The following CAMK1D variants were observed in gnomAD, a reference collection of about 807,000 sequenced individuals.
The protein encoded by CAMK1D is calcium/calmodulin dependent protein kinase ID.
A neutral mutation model predicts 47.7 loss-of-function variants in CAMK1D; 9 were observed. The ratio of observed to expected loss-of-function variants is 0.19; its 90% confidence interval spans 0.11 to 0.33. CAMK1D has a LOEUF of 0.33. CAMK1D is among the 10% of genes least tolerant of loss of function. CAMK1D has a pLI of 1.00. For missense variants in CAMK1D, 291 were observed against 488.7 expected (o/e 0.60, Z 3.81); for synonymous variants, 184 against 184.9 (o/e 0.99, Z 0.04).
intron 3 of CAMK1D, among the ~76,000 whole-genome samples, chr10:12,754,408 A>G (rs4345869): frequency 0.7 from 106,728 of 152,074 alleles, 37,873 homozygotes; most frequent in African/African-American, 0.8. Context: ...GTCTGGCTCC[A>G]TACAGGATCA....
chr10:12,401,606 A>T (rs1839226748), intron 1 of CAMK1D, among the ~76,000 whole-genome samples: 2 of 151,408 alleles, frequency 1.3e-5, no homozygotes, highest in South Asian at 4.2e-4. Context: ...AGGCTCCCAC[A>T]AGGAGCCTCA....
intron 2 of CAMK1D, among the ~76,000 whole-genome samples, chr10:12,589,212 C>T (rs1439550103): frequency 6.6e-6 from 1 of 152,146 alleles, no homozygotes; most frequent in Admixed American, 6.5e-5. Context: ...TGGGGTTTCA[C>T]CATGTTGCCC....
intron 3 of CAMK1D, among the ~76,000 whole-genome samples, chr10:12,717,909 A>G (rs894751892): frequency 2.3e-4 from 34 of 147,910 alleles, no homozygotes; most frequent in South Asian, 4.3e-4. Flanking sequence ...AAAAAAAAAG[A>G]AAAAAAAAAG....
intron 1 of CAMK1D, among the ~76,000 whole-genome samples, chr10:12,379,076 T>C (rs1838270356): frequency 6.6e-6 from 1 of 152,102 alleles, no homozygotes; most frequent in Non-Finnish European, 1.5e-5. Context: ...TCCCAAAGTG[T>C]TGGGATTACA....
At chr10:12,776,848 G>T (rs941497782) in intron 5 of CAMK1D, among the ~76,000 whole-genome samples, 1 of 152,034 alleles carries the variant, frequency 6.6e-6, no homozygotes, top group East Asian at 1.9e-4. Context: ...CCAAATAGAG[G>T]GTGAGAAAAG....
At chr10:12,651,383 T>G (rs2132511213) in intron 2 of CAMK1D, among the ~76,000 whole-genome samples, 1 of 152,212 alleles carries the variant, frequency 6.6e-6, no homozygotes, top group South Asian at 2.1e-4. Context: ...TTAACACAAC[T>G]TTTAATTTTA....
intron 2 of CAMK1D, among the ~76,000 whole-genome samples, chr10:12,553,647 G>T (rs1419775514): frequency 6.6e-6 from 1 of 152,148 alleles, no homozygotes; most frequent in African/African-American, 2.4e-5. Flanking sequence ...ACCGTGGGCC[G>T]GCTACAGAGC....
At chr10:12,462,468 AT>A (rs11343025) in intron 1 of CAMK1D, among the ~76,000 whole-genome samples, 71,256 of 146,956 alleles carry the variant, frequency 0.48, 17,192 homozygotes, top group Non-Finnish European at 0.54. Flanking sequence ...CTGGCCAAGA[AT>A]TTTTTTTTTT....
chr10:12,452,944 A>G (rs1020590214), intron 1 of CAMK1D, among the ~76,000 whole-genome samples: 1 of 152,038 alleles, frequency 6.6e-6, no homozygotes, highest in Non-Finnish European at 1.5e-5. Flanking sequence ...GCCACCATCC[A>G]TCTCCAGAAC....
intron 2 of CAMK1D, among the ~76,000 whole-genome samples, chr10:12,636,915 G>A (rs1389497648): frequency 6.6e-6 from 1 of 152,106 alleles, no homozygotes; most frequent in Non-Finnish European, 1.5e-5. Flanking sequence ...AATCTGAGGA[G>A]CCACCGAGCA....
At chr10:12,550,531 G>A (rs1023292727) in intron 1 of CAMK1D, among the ~76,000 whole-genome samples, 1 of 152,194 alleles carries the variant, frequency 6.6e-6, no homozygotes, top group Non-Finnish European at 1.5e-5. Context: ...TTATGATTTG[G>A]GTTTCCTGGA....
intron 2 of CAMK1D, among the ~76,000 whole-genome samples, chr10:12,633,690 G>A (rs1839440544): frequency 6.6e-6 from 1 of 152,036 alleles, no homozygotes; most frequent in African/African-American, 2.4e-5. Context: ...CCCAGTAGCT[G>A]GGACCACAGG....
chr10:12,736,830 A>T (rs1030060137), intron 3 of CAMK1D, among the ~76,000 whole-genome samples: 8 of 152,118 alleles, frequency 5.3e-5, no homozygotes, highest in Admixed American at 5.2e-4. Context: ...AACTGGCAGA[A>T]CTCAGCATCT....
intron 2 of CAMK1D, among the ~76,000 whole-genome samples, chr10:12,647,590 C>T (rs1323356508): frequency 6.6e-6 from 1 of 152,116 alleles, no homozygotes; most frequent in African/African-American, 2.4e-5. Context: ...GGGAGAGAGG[C>T]TGACTTTCAG....
At chr10:12,599,465 A>G (rs1838239641) in intron 2 of CAMK1D, among the ~76,000 whole-genome samples, 1 of 152,208 alleles carries the variant, frequency 6.6e-6, no homozygotes, top group Non-Finnish European at 1.5e-5. Flanking sequence ...ATCAGAGAGT[A>G]GGCAGTGCAC....
At chr10:12,469,483 C>T (rs957625039) in intron 1 of CAMK1D, among the ~76,000 whole-genome samples, 15 of 152,200 alleles carry the variant, frequency 9.9e-5, no homozygotes, top group Admixed American at 6.5e-4. Flanking sequence ...ACATCTGCAT[C>T]GTATTCTCTT....
chr10:12,365,429 T>C (rs1837801570), intron 1 of CAMK1D, among the ~76,000 whole-genome samples: 1 of 152,034 alleles, frequency 6.6e-6, no homozygotes. Flanking sequence ...GCAAAGGTTA[T>C]AGCTTTTTTT....
At chr10:12,711,370 C>T (rs1833929817) in intron 3 of CAMK1D, among the ~76,000 whole-genome samples, 2 of 152,124 alleles carry the variant, frequency 1.3e-5, no homozygotes, top group Non-Finnish European at 2.9e-5. Flanking sequence ...AAATTCAGTC[C>T]CTCTGTGATA....
At chr10:12,372,348 A>T (rs533611501) in intron 1 of CAMK1D, among the ~76,000 whole-genome samples, 1 of 152,364 alleles carries the variant, frequency 6.6e-6, no homozygotes, top group African/African-American at 2.4e-5. Flanking sequence ...ACTGAGGCCC[A>T]GAGTGGTTGA....
Sources: gnomAD v4.1 joint callset for allele counts (sites outside exome capture counted in the v4.1 genomes callset) on GRCh38, gnomAD v4.1.1 for gene constraint, MANE v1.5 for transcripts, NCBI Gene and HGNC (gene_info 2026-07-23, HGNC 2026-07-21) for gene names.